AGAP1: variants seen among roughly 807,000 people sequenced by gnomAD.
AGAP1 encodes arf-GAP with GTPase, ANK repeat and PH domain-containing protein 1.
In AGAP1, 29 loss-of-function variants were observed where a neutral mutation model predicts 105.3. That is an observed-to-expected ratio of 0.28 (90% CI 0.21 to 0.38). AGAP1 has a LOEUF of 0.38. AGAP1 is among the 10% of genes least tolerant of loss of function. The probability of loss-of-function intolerance (pLI) is 1.00; values close to 1 mark genes in which losing one functional copy is unlikely to be tolerated. For missense variants in AGAP1, 998 were observed against 1,165.1 expected, an observed-to-expected ratio of 0.86 and a Z score of 2.09; for synonymous variants, 509 against 485.9, an observed-to-expected ratio of 1.05 and a Z score of -0.63.
At chr2:236,019,611 T>C (rs887690153) in intron 13 of AGAP1, among the ~76,000 whole-genome samples, 1 of 152,176 alleles carries the variant, frequency 6.6e-6, no homozygotes, top group Non-Finnish European at 1.5e-5. Context: ...GGGCTGGAAT[T>C]CCAGGTGGAG....
intron 13 of AGAP1, among the ~76,000 whole-genome samples, chr2:236,026,165 G>C (rs1350391528): frequency 1.3e-5 from 2 of 152,208 alleles, no homozygotes; most frequent in African/African-American, 4.8e-5. Flanking sequence ...CCAGATAAGA[G>C]GGGAAGGCAC....
Position 235,517,951 on chromosome 2 carries a change from A to AGAAG in AGAP1, c.163+23102_163+23103insGAAG, listed in dbSNP as rs1553556934. ...CCGTTTCAAAAAAAAAAAAAAAGAA[A>AGAAG]AAAAAAAGGTAGAACTCATAGTTGC... is the stretch of plus-strand genomic sequence containing the variant. On this transcript the variant is annotated intron_variant, in intron 1 of 17. Transcript: ENST00000304032. The surrounding 1 kb of genome is among the most constrained non-coding windows in gnomAD (Gnocchi z 4.1). Among the ~76,000 whole-genome samples the AGAAG allele has an allele frequency of 8.1e-5, 12 of 147,864 alleles. No individual in the cohort carries two copies. Among genetic ancestry groups the AGAAG allele is most frequent in the African/African-American group, 2.8e-4 (11 of 39,994 alleles).
intron 9 of AGAP1, among the ~76,000 whole-genome samples, chr2:235,828,050 T>C (rs544184851): frequency 1.1e-3 from 162 of 152,310 alleles, no homozygotes; most frequent in African/African-American, 3.7e-3. Context: ...ACAACAAGTA[T>C]CCCAGAGAAA....
At chr2:235,749,657 C>T (rs147381391) in intron 5 of AGAP1, among the ~76,000 whole-genome samples, 136 of 152,208 alleles carry the variant, frequency 8.9e-4, no homozygotes, top group African/African-American at 2.6e-3. Context: ...GTGCCTACTG[C>T]GCCCCACCTG....
intron 1 of AGAP1, among the ~76,000 whole-genome samples, chr2:235,530,699 AC>A (rs1943014666): frequency 2.0e-5 from 3 of 151,418 alleles, no homozygotes; most frequent in Non-Finnish European, 2.9e-5. Context: ...TTTGATAAGG[AC>A]CCTTGTGATT....
At chr2:235,859,325 G>A (rs1416232127) in intron 9 of AGAP1, among the ~76,000 whole-genome samples, 1 of 151,488 alleles carries the variant, frequency 6.6e-6, no homozygotes, top group Non-Finnish European at 1.5e-5. Flanking sequence ...CTGTTGTTGT[G>A]GGGAAATGGC....
At chr2:235,536,592 C>T (rs1430757644) in intron 1 of AGAP1, among the ~76,000 whole-genome samples, 2 of 150,006 alleles carry the variant, frequency 1.3e-5, no homozygotes, top group Non-Finnish European at 3.0e-5. Flanking sequence ...CACACACATA[C>T]ACAGCAGGAC....
At chr2:235,540,756 C>T (rs1023991028) in intron 1 of AGAP1, among the ~76,000 whole-genome samples, 5 of 152,096 alleles carry the variant, frequency 3.3e-5, no homozygotes, top group Admixed American at 2.6e-4. Context: ...AGGGGCGGGA[C>T]GTGCACCCCC....
intron 14 of AGAP1, among the ~76,000 whole-genome samples, chr2:236,037,991 CT>C (rs2057433233): frequency 6.6e-6 from 1 of 152,208 alleles, no homozygotes; most frequent in South Asian, 2.1e-4. Context: ...GAGAGTCTGT[CT>C]TTCAGAAAGA....
Position 235,705,945 on chromosome 2 carries a change from T to C in AGAP1, c.164-3234T>C, listed in dbSNP as rs1950511966. ...TATGTGTTGAAAAATCAGCAGTGCA[T>C]TGATGAATAGAGCTCATTTTAATTC... On this transcript the variant is annotated intron_variant, in intron 1 of 17. Coordinates refer to ENST00000304032, the MANE Select transcript of AGAP1 (RefSeq NM_001037131.3). This position sits in a 1 kb window ranked among gnomAD's most constrained non-coding sequence, Gnocchi z 4.9. Among the ~76,000 whole-genome samples, 1 of 152,222 alleles carries C rather than the reference T, an allele frequency of 6.6e-6. No individual in the cohort carries two copies. The highest frequency in any genetic ancestry group is 1.5e-5 in the Non-Finnish European group (1 of 68,046).
intron 9 of AGAP1, among the ~76,000 whole-genome samples, chr2:235,857,811 G>T (rs891501620): frequency 1.3e-5 from 2 of 152,232 alleles, no homozygotes; most frequent in Non-Finnish European, 2.9e-5. Flanking sequence ...TTTGGGAATT[G>T]ACTGGGTATA....
intron 1 of AGAP1, among the ~76,000 whole-genome samples, chr2:235,543,727 G>A (rs1044538885): frequency 1.4e-4 from 21 of 152,202 alleles, no homozygotes; most frequent in Admixed American, 1.0e-3. Flanking sequence ...AGGAGGCTGG[G>A]CTGAAACCAC....
chr2:235,571,958 GTATACATA>G (rs1490318356), intron 1 of AGAP1, among the ~76,000 whole-genome samples: 2 of 107,352 alleles, frequency 1.9e-5, no homozygotes, highest in African/African-American at 8.1e-5. Context: ...GTGTGTGTGT[GTATACATA>G]TATATGTATA....
At chr2:235,937,883 C>T (rs991414142) in intron 12 of AGAP1, among the ~76,000 whole-genome samples, 8 of 152,356 alleles carry the variant, frequency 5.3e-5, no homozygotes, top group Admixed American at 2.0e-4. Context: ...AGCGGTGCCA[C>T]GGTCAGGAAG....
rs369093418 is a variant in AGAP1 at position 235,881,456 on chromosome 2, A to G, written c.1051-1889A>G. Among the ~76,000 whole-genome samples the G allele has an allele frequency of 2.7e-4, 41 of 152,306 alleles. 1 individual carries two copies. The highest frequency in any genetic ancestry group is 9.4e-4 in the African/African-American group (39 of 41,558). On this transcript the variant is annotated intron_variant, in intron 9 of 17. Transcript: ENST00000304032. ...CTGAGTCTTACGCTCTCTCAGTCATATTAAGGTTACATAAGTTTATAAAAG... is the reference window on the plus strand; with the variant it reads ...CTGAGTCTTACGCTCTCTCAGTCATGTTAAGGTTACATAAGTTTATAAAAG...
chr2:235,645,972 G>C (rs1010606945), intron 1 of AGAP1, among the ~76,000 whole-genome samples: 3 of 152,052 alleles, frequency 2.0e-5, no homozygotes, highest in Non-Finnish European at 4.4e-5. Flanking sequence ...AAGCTTCTTG[G>C]TTGACATCAA....
At position 235,934,754 on chromosome 2, in the gene AGAP1, G is replaced by C. The variant is rs1331033754; in HGVS notation, c.1483+3831G>C. 6.6e-6 allele frequency among the ~76,000 whole-genome samples: 1 copy of C among 151,892 alleles called. No homozygotes were observed. The highest frequency in any genetic ancestry group is 1.5e-5 in the Non-Finnish European group (1 of 68,002). ...ATTTCAGAGTCGCTTACTCTGTGCTGGCAGCAGGAATGAATGGGGAGAGCC... is the reference window on the plus strand; with the variant it reads ...ATTTCAGAGTCGCTTACTCTGTGCTCGCAGCAGGAATGAATGGGGAGAGCC... On this transcript the variant is annotated intron_variant, in intron 12 of 17. Coordinates refer to ENST00000304032, the MANE Select transcript of AGAP1 (RefSeq NM_001037131.3). This position sits in a 1 kb window ranked among gnomAD's most constrained non-coding sequence, Gnocchi z 4.9.
intron 12 of AGAP1, among the ~76,000 whole-genome samples, chr2:235,948,711 C>T (rs1296607765): frequency 6.6e-6 from 1 of 152,044 alleles, no homozygotes; most frequent in Non-Finnish European, 1.5e-5. Context: ...GTGTTTGAGA[C>T]TTGGAGGGGA....
chr2:236,105,675 C>T lies in AGAP1; in HGVS notation c.2115-14517C>T, dbSNP rs1010151285. 1.7e-5 allele frequency among the ~76,000 whole-genome samples: 1 copy of T among 59,250 alleles called. No individual in the cohort carries two copies. The highest frequency in any genetic ancestry group is 4.7e-5 in the African/African-American group (1 of 21,484). The allele number at this position is 59,250 out of a possible 152,430, so 38.9% of individuals were successfully genotyped here. On this transcript the variant is annotated intron_variant, in intron 16 of 17. Coordinates refer to ENST00000304032, the MANE Select transcript of AGAP1 (RefSeq NM_001037131.3). This position sits in a 1 kb window ranked among gnomAD's most constrained non-coding sequence, Gnocchi z 4.2. Reference sequence around the variant, plus strand: ...GGTTCACACCATTCTCCCGCGTTCACGCCATTCTCCCGCGTTCACGCCATT... The same window carrying T: ...GGTTCACACCATTCTCCCGCGTTCATGCCATTCTCCCGCGTTCACGCCATT...
Sources: allele counts gnomAD v4.1 joint callset (sites outside exome capture counted in the v4.1 genomes callset), GRCh38; gene constraint gnomAD v4.1.1; non-coding constraint Gnocchi (gnomAD v3.1); transcripts MANE v1.5; gene names NCBI Gene and HGNC (gene_info 2026-07-23, HGNC 2026-07-21).